Variants in MED27 observed in about 807,000 individuals in gnomAD.
MED27 encodes mediator complex subunit 27.
A neutral mutation model predicts 38.2 loss-of-function variants in MED27; 30 were observed. The ratio of observed to expected loss-of-function variants is 0.79; its 90% CI spans 0.59 to 1.07. The LOEUF is 1.07. MED27 is among the 50% of genes least tolerant of loss of function. The pLI is 0.00. For missense variants in MED27, 289 were observed against 397.5 expected (o/e 0.73, Z 2.32); for synonymous variants, 122 against 153.5 (o/e 0.79, Z 1.52).
At chr9:131,869,517 C>G in intron 6 of MED27, 1 of 677,302 alleles carries the variant, frequency 1.5e-6, no homozygotes, top group Non-Finnish European at 1.8e-6. Flanking sequence ...TCCCCCTTGG[C>G]GGAGGCCAGG....
intron 3 of MED27, among the ~76,000 whole-genome samples, chr9:131,995,481 T>C (rs2131048393): frequency 6.6e-6 from 1 of 152,120 alleles, no homozygotes; most frequent in East Asian, 1.9e-4. Flanking sequence ...AGCACAACCA[T>C]CAACGTGGTG....
intron 3 of MED27, among the ~76,000 whole-genome samples, chr9:132,001,363 T>C (rs1832230435): frequency 6.6e-6 from 1 of 152,166 alleles, no homozygotes; most frequent in East Asian, 1.9e-4. Context: ...TATATTTTTG[T>C]AGCCTCAAAT....
chr9:131,941,180 T>C (rs977708809), intron 3 of MED27, among the ~76,000 whole-genome samples: 7 of 152,204 alleles, frequency 4.6e-5, no homozygotes, highest in Non-Finnish European at 1.0e-4. Context: ...ATGTATAATA[T>C]AATAGCTGAC....
intron 3 of MED27, among the ~76,000 whole-genome samples, chr9:131,962,615 T>C (rs533657224): frequency 8.5e-5 from 13 of 152,162 alleles, no homozygotes; most frequent in Non-Finnish European, 1.8e-4. Context: ...ATTCTGGTCA[T>C]AGTTTACATG....
chr9:131,973,882 TA>T, intron 3 of MED27, among the ~76,000 whole-genome samples: 1 of 145,048 alleles, frequency 6.9e-6, no homozygotes. Flanking sequence ...TGATTTTTTC[TA>T]TTTTTTTTTT....
At chr9:131,935,104 T>A (rs1424627914) in intron 4 of MED27, among the ~76,000 whole-genome samples, 1 of 152,160 alleles carries the variant, frequency 6.6e-6, no homozygotes, top group East Asian at 1.9e-4. Flanking sequence ...ATAGTGGGGA[T>A]GTTTAATAGG....
intron 4 of MED27, among the ~76,000 whole-genome samples, chr9:131,936,122 G>A (rs569846042): frequency 1.4e-5 from 2 of 140,406 alleles, no homozygotes; most frequent in South Asian, 4.5e-4. Flanking sequence ...GACAAAGTGA[G>A]ACCCTGTCTC....
chr9:131,873,157 T>A, intron 6 of MED27, among the ~76,000 whole-genome samples: 1 of 152,164 alleles, frequency 6.6e-6, no homozygotes, highest in Admixed American at 6.5e-5. Context: ...ACAGTAGGAA[T>A]CTCTTGGAAG....
chr9:132,025,291 T>G (rs1002099264), intron 2 of MED27, among the ~76,000 whole-genome samples: 1 of 152,044 alleles, frequency 6.6e-6, no homozygotes, highest in African/African-American at 2.4e-5. Flanking sequence ...CAAGTGATTC[T>G]CCTGGCTCAG....
At chr9:131,962,297 C>T (rs115292100) in intron 3 of MED27, among the ~76,000 whole-genome samples, 219 of 152,308 alleles carry the variant, frequency 1.4e-3, no homozygotes, top group African/African-American at 5.0e-3. Context: ...ACTGCAGAGG[C>T]ACAATCACAA....
At chr9:131,881,551 A>G (rs1839040052) in intron 6 of MED27, among the ~76,000 whole-genome samples, 1 of 152,178 alleles carries the variant, frequency 6.6e-6, no homozygotes, top group Non-Finnish European at 1.5e-5. Context: ...TTTCTTTGTT[A>G]AAACTTTATT....
At chr9:131,903,390 T>A (rs1029563244) in intron 4 of MED27, among the ~76,000 whole-genome samples, 1 of 152,102 alleles carries the variant, frequency 6.6e-6, no homozygotes, top group African/African-American at 2.4e-5. Context: ...CCACAACACG[T>A]GGGAATTATG....
At chr9:131,942,280 G>T (rs775701852) in intron 3 of MED27, among the ~76,000 whole-genome samples, 2 of 152,178 alleles carry the variant, frequency 1.3e-5, no homozygotes, top group Non-Finnish European at 2.9e-5. Context: ...GGTGAGAAGT[G>T]AAGAAAGGAG....
At chr9:131,932,850 T>C (rs1193372917) in intron 4 of MED27, among the ~76,000 whole-genome samples, 2 of 152,100 alleles carry the variant, frequency 1.3e-5, no homozygotes, top group African/African-American at 2.4e-5. Flanking sequence ...TGATGATTAT[T>C]GATGCAAAAA....
At chr9:131,995,460 A>G (rs1832071199) in intron 3 of MED27, among the ~76,000 whole-genome samples, 1 of 152,168 alleles carries the variant, frequency 6.6e-6, no homozygotes, top group South Asian at 2.1e-4. Context: ...AAATGGCACT[A>G]TTCCTCAAGG....
chr9:132,017,542 AAAG>A lies in MED27; in HGVS notation c.349-3078_349-3076del, dbSNP rs781697041. On this transcript the variant is annotated intron_variant, in intron 2 of 7. Coordinates refer to ENST00000292035, the MANE Select transcript of MED27 (RefSeq NM_004269.4). Reference sequence around the variant, plus strand: ...CCACTAACCGGGAGGAATAAAAATGAAAGAAGGAGAGAAATGATCTATTCTTTT... The same window carrying A: ...CCACTAACCGGGAGGAATAAAAATGAAAGGAGAGAAATGATCTATTCTTTT... 1.5e-4 allele frequency among the ~76,000 whole-genome samples: 23 copies of A among 152,354 alleles called. No individual in the cohort carries two copies. The South Asian group carries it at 2.5e-3, about 16-fold the overall frequency.
intron 4 of MED27, among the ~76,000 whole-genome samples, chr9:131,935,661 T>C (rs1830667657): frequency 6.6e-6 from 1 of 152,138 alleles, no homozygotes; most frequent in Admixed American, 6.5e-5. Context: ...AAATTGCATT[T>C]TAAAAATGAG....
At chr9:132,039,771 T>C (rs567613186) in intron 2 of MED27, among the ~76,000 whole-genome samples, 1 of 152,266 alleles carries the variant, frequency 6.6e-6, no homozygotes, top group South Asian at 2.1e-4. Flanking sequence ...GTGTGCTCCG[T>C]TCAGTGCTGG....
At chr9:131,961,545 G>A (rs1295563321) in intron 3 of MED27, among the ~76,000 whole-genome samples, 1 of 152,226 alleles carries the variant, frequency 6.6e-6, no homozygotes, top group Non-Finnish European at 1.5e-5. Flanking sequence ...TGAAGGTTCT[G>A]AGGGTCCGCT....
Sources: gnomAD v4.1 joint callset for allele counts (sites outside exome capture counted in the v4.1 genomes callset) on GRCh38, gnomAD v4.1.1 for gene constraint, MANE v1.5 for transcripts, NCBI Gene and HGNC (gene_info 2026-07-23, HGNC 2026-07-21) for gene names.